The following MGST2 variants were observed in gnomAD, a reference collection of about 807,000 sequenced individuals.
MGST2 encodes the protein microsomal glutathione S-transferase 2, also known as glutathione peroxidase MGST2.
MGST2 carries 9 observed loss-of-function variants against 16.6 expected under a neutral mutation model. The observed-to-expected ratio is 0.54, with a 90% CI of 0.33 to 0.95. The LOEUF (loss-of-function observed/expected upper bound fraction) is 0.95, where lower values mean the gene tolerates loss of function less well. Ranked by LOEUF, MGST2 falls within the 40% of genes least tolerant of loss-of-function variation. MGST2 has a pLI of 0.03. For missense variants in MGST2, 159 were observed against 175.1 expected, an observed-to-expected ratio of 0.91 and a Z score of 0.52; for synonymous variants, 79 against 68.0, an observed-to-expected ratio of 1.16 and a Z score of -0.79.
intron 5 of MGST2, chr4:139,730,719 G>A: frequency 6.6e-7 from 1 of 1,522,168 alleles, no homozygotes; most frequent in Non-Finnish European, 9.0e-7. Flanking sequence ...GAGACTCACT[G>A]CTGTTTGAAG....
At chr4:139,739,126 T>C (rs1176877617) in intron 5 of MGST2, among the ~76,000 whole-genome samples, 2 of 152,206 alleles carry the variant, frequency 1.3e-5, no homozygotes, top group South Asian at 2.1e-4. Context: ...AACTGACTAA[T>C]TGGCTGGGAT....
chr4:139,730,413 T>TA (rs570452642), intron 5 of MGST2: 1 of 1,541,202 alleles, frequency 6.5e-7, no homozygotes, highest in South Asian at 1.2e-5. Flanking sequence ...AGGGGCATGT[T>TA]ACCTGTTCCG....
chr4:139,724,140 C>T (rs113776643), intron 5 of MGST2, among the ~76,000 whole-genome samples: 4 of 152,336 alleles, frequency 2.6e-5, no homozygotes, highest in African/African-American at 7.2e-5. Flanking sequence ...TCCTTTTGTC[C>T]TTCCCTGTGT....
At chr4:139,746,976 C>T in the MGST2 span, among the ~76,000 whole-genome samples, 6 of 152,266 alleles carry the variant, frequency 3.9e-5, no homozygotes, top group Non-Finnish European at 5.9e-5. Context: ...GGCCACCGGC[C>T]GTGGCTTTCC....
At chr4:139,727,409 T>G (rs1414979539) in intron 5 of MGST2, among the ~76,000 whole-genome samples, 1 of 152,212 alleles carries the variant, frequency 6.6e-6, no homozygotes, top group African/African-American at 2.4e-5. Context: ...TATAAGAATT[T>G]AACTGTCCCA....
At chr4:139,752,974 G>A in the MGST2 span, among the ~76,000 whole-genome samples, 1 of 152,138 alleles carries the variant, frequency 6.6e-6, no homozygotes, top group South Asian at 2.1e-4. Context: ...TATCTGCTAG[G>A]TCAAGATAAT....
intron 3 of MGST2, among the ~76,000 whole-genome samples, chr4:139,697,369 CTT>C (rs1163838405): frequency 6.6e-6 from 1 of 152,022 alleles, no homozygotes; most frequent in East Asian, 1.9e-4. Flanking sequence ...GGCAGATATC[CTT>C]TCTCCTCAAT....
chr4:139,705,562 C>A (rs966417489), downstream of MGST2: 2 of 151,938 alleles, frequency 1.3e-5, no homozygotes, highest in African/African-American at 4.8e-5. Flanking sequence ...TAAGTTATTT[C>A]TTTTCTTATC....
At chr4:139,690,000 A>G (rs1418489187) in intron 2 of MGST2, among the ~76,000 whole-genome samples, 1 of 152,096 alleles carries the variant, frequency 6.6e-6, no homozygotes, top group Non-Finnish European at 1.5e-5. Flanking sequence ...AATTAAAAAA[A>G]ATTTTTTTTG....
At chr4:139,707,000 GA>G (rs1727543966), downstream of MGST2, among the ~76,000 whole-genome samples, 1 of 151,998 alleles carries the variant, frequency 6.6e-6, no homozygotes, top group African/African-American at 2.4e-5. Context: ...GGAAGTGGGG[GA>G]TAGAGAAGAA....
chr4:139,704,127 G>A lies in MGST2; in HGVS notation c.423G>A (p.Lys141=). 1 of 1,614,192 alleles carries A rather than the reference G, an allele frequency of 6.2e-7. No individual in the cohort carries two copies. Among genetic ancestry groups the A allele is most frequent in the Non-Finnish European group, 8.5e-7 (1 of 1,180,046 alleles). The change falls in exon 5 of 5, where the codon AAG becomes AAA. Residue 141 remains lysine (K), a synonymous_variant. Coordinates refer to ENST00000265498, the MANE Select transcript of MGST2 (RefSeq NM_002413.5). ...AATATCTGGACCTCAATATTGCCAA[G>A]AAACTGAGGCGGCAATTCTAACTTT... ...LDEYLDLNIA[K]KLRRQF
intron 5 of MGST2, among the ~76,000 whole-genome samples, chr4:139,711,748 C>T (rs1031115875): frequency 3.3e-5 from 5 of 152,302 alleles, no homozygotes; most frequent in Admixed American, 6.5e-5. Context: ...TAGGTTTCAG[C>T]CTCATTTCAC....
intron 5 of MGST2, chr4:139,731,436 A>C (rs974818317): frequency 5.5e-5 from 1 of 18,194 alleles, no homozygotes; most frequent in African/African-American, 1.9e-4. Flanking sequence ...TGTCTCTACT[A>C]AAAAAAAAAA....
chr4:139,748,399 AG>A, the MGST2 span, among the ~76,000 whole-genome samples: 1 of 152,246 alleles, frequency 6.6e-6, no homozygotes, highest in Non-Finnish European at 1.5e-5. Flanking sequence ...AGGAGGGTCT[AG>A]AAATGGAAAG....
rs1383003861 is a variant in MGST2, at chr4:139,715,543, A to C, written c.*48+11347A>C. 6.6e-6 allele frequency among the ~76,000 whole-genome samples: 1 copy of C among 152,232 alleles called. No homozygotes were observed. Among genetic ancestry groups the C allele is most frequent in the Non-Finnish European group, 1.5e-5 (1 of 68,048 alleles). On this transcript the variant is annotated intron_variant, in intron 5 of 5. Coordinates refer to the MGST2 transcript ENST00000616265. The surrounding 1 kb of genome is among the most constrained non-coding windows in gnomAD (Gnocchi z 4.4). ...ACAGTGAAAGCAAGTTTATTAAGAA[A>C]GTAAAGGAATAAAAGAATGGCTACT... is the stretch of plus-strand genomic sequence containing the variant.
intron 2 of MGST2, among the ~76,000 whole-genome samples, chr4:139,684,922 G>T (rs1415589248): frequency 6.6e-6 from 1 of 152,166 alleles, no homozygotes; most frequent in African/African-American, 2.4e-5. Context: ...CTGGGGCTCA[G>T]GAGTGGGAAG....
At chr4:139,743,535 T>C (rs890294107), downstream of MGST2, among the ~76,000 whole-genome samples, 1 of 152,186 alleles carries the variant, frequency 6.6e-6, no homozygotes, top group Non-Finnish European at 1.5e-5. Flanking sequence ...CAACCAAACC[T>C]TTTCTGGAAG....
At chr4:139,680,156 ACTT>A (rs765635051) in intron 2 of MGST2, among the ~76,000 whole-genome samples, 11 of 152,078 alleles carry the variant, frequency 7.2e-5, no homozygotes, top group African/African-American at 1.2e-4. Flanking sequence ...ATGCTCCTTT[ACTT>A]CTTCTTTTCC....
intron 5 of MGST2, among the ~76,000 whole-genome samples, chr4:139,712,455 A>C (rs1384540665): frequency 1.3e-5 from 2 of 152,232 alleles, no homozygotes; most frequent in African/African-American, 4.8e-5. Context: ...TTATGGTAAG[A>C]CTGATTTGCT....
Sources: allele counts gnomAD v4.1 joint callset (sites outside exome capture counted in the v4.1 genomes callset), GRCh38; gene constraint gnomAD v4.1.1; non-coding constraint Gnocchi (gnomAD v3.1); transcripts MANE v1.5; gene names NCBI Gene and HGNC (gene_info 2026-07-23, HGNC 2026-07-21).